The following RBBP5 variants were observed in gnomAD, a reference collection of about 807,000 sequenced individuals.
RBBP5 encodes retinoblastoma-binding protein 5.
Under a neutral mutation model 72.2 loss-of-function variants are expected in RBBP5, and 5 were observed. The ratio of observed to expected loss-of-function variants is 0.07; its 90% CI spans 0.04 to 0.15. The LOEUF is 0.15. Among genes scored for constraint, RBBP5 ranks in the 10% least tolerant of loss-of-function variants. The pLI, the probability that RBBP5 is intolerant of heterozygous loss-of-function variation, is 1.00. For missense variants in RBBP5, 322 were observed against 652.2 expected (o/e 0.49, Z 5.51); for synonymous variants, 209 against 237.2 (o/e 0.88, Z 1.09).
At chr1:205,100,422 T>C (rs1014265671) in intron 6 of RBBP5, 151 bp from the exon 7 acceptor site, 3 of 1,010,218 alleles carry the variant, frequency 3.0e-6, no homozygotes, top group African/African-American at 3.3e-5. Context: ...CAAACCAAAA[T>C]ACAATTTTAA....
chr1:205,089,826 C>T (rs976996669), intron 13 of RBBP5, among the ~76,000 whole-genome samples: 3 of 152,018 alleles, frequency 2.0e-5, no homozygotes, highest in Non-Finnish European at 4.4e-5. Flanking sequence ...ACAATGAATT[C>T]CTTGCATTGA....
chr1:205,109,202 G>A (rs1354942040), intron 3 of RBBP5, among the ~76,000 whole-genome samples: 1 of 151,944 alleles, frequency 6.6e-6, no homozygotes, highest in Non-Finnish European at 1.5e-5. Flanking sequence ...GTGTTAAAAT[G>A]CAAAGGTGCA....
chr1:205,094,554 T>C (rs1655537318), intron 13 of RBBP5, among the ~76,000 whole-genome samples: 1 of 152,240 alleles, frequency 6.6e-6, no homozygotes, highest in Non-Finnish European at 1.5e-5. Flanking sequence ...TACCCTTCTT[T>C]GGGTCATGAA....
chr1:205,119,332 G>A (rs1231396890), intron 1 of RBBP5, among the ~76,000 whole-genome samples: 1 of 152,112 alleles, frequency 6.6e-6, no homozygotes, highest in East Asian at 1.9e-4. Context: ...GGAAGCGCAA[G>A]TTGCTGTCAG....
intron 13 of RBBP5, 60 bp downstream of exon 13, chr1:205,094,813 A>T: frequency 6.8e-7 from 1 of 1,481,402 alleles, no homozygotes; most frequent in Non-Finnish European, 9.1e-7. Flanking sequence ...AAATGAAGTC[A>T]AGGGCTACAC....
Position 205,088,675 on chromosome 1 carries a change from T to G in RBBP5, c.*112A>C, listed in dbSNP as rs1203723757. ...AAAATTCACCCTCCCACCTCCTGGG[T>G]GGGAGGCACAGGCCTTTGTTTTAAA... On this transcript the variant is annotated 3_prime_UTR_variant, in exon 14 of 14. Coordinates refer to ENST00000264515, the MANE Select transcript of RBBP5 (RefSeq NM_005057.4). The G allele has an allele frequency of 4.6e-6, 5 of 1,095,366 alleles. No individual in the cohort carries two copies. The highest frequency in any genetic ancestry group is 6.7e-6 in the Non-Finnish European group (5 of 751,328). The allele number at this position is 1,095,366 out of a possible 1,614,324, so 67.9% of individuals were successfully genotyped here. A position where few individuals can be genotyped will look rare whatever the true frequency, so the allele number is the denominator to read the frequency against.
At chr1:205,111,914 G>A (rs1476760237) in intron 3 of RBBP5, among the ~76,000 whole-genome samples, 1 of 152,074 alleles carries the variant, frequency 6.6e-6, no homozygotes, top group Non-Finnish European at 1.5e-5. Context: ...CCTGATACCT[G>A]TAGTTCCCCA....
chr1:205,115,008 A>G (rs1216614993), intron 2 of RBBP5, 47 bp from the exon 3 acceptor site: 1 of 1,477,158 alleles, frequency 6.8e-7, no homozygotes, highest in Non-Finnish European at 9.2e-7. Context: ...ATAGCCAGGT[A>G]TCCAAATTAT....
At chr1:205,110,804 C>A (rs1199006743) in intron 3 of RBBP5, among the ~76,000 whole-genome samples, 2 of 152,142 alleles carry the variant, frequency 1.3e-5, no homozygotes, top group Non-Finnish European at 2.9e-5. Context: ...TGGCTCACTA[C>A]TGTAATCTTG....
Position 205,103,167 on chromosome 1 carries a change from G to A in RBBP5, c.522+690C>T, listed in dbSNP as rs142144723. Among the ~76,000 whole-genome samples, 386 of 143,932 alleles carry A rather than the reference G, an allele frequency of 2.7e-3. 1 individual carries two copies. Among genetic ancestry groups the A allele is most frequent in the African/African-American group, 9.3e-3 (362 of 38,908 alleles). The allele number at this position is 143,932 out of a possible 152,430, so 94.4% of individuals were successfully genotyped here. A position where few individuals can be genotyped will look rare whatever the true frequency, so the allele number is the denominator to read the frequency against. On this transcript the variant is annotated intron_variant, in intron 5 of 13. Coordinates refer to ENST00000264515, the MANE Select transcript of RBBP5 (RefSeq NM_005057.4). ...TTGAACCCAGGAGATGGAGGTTGCA[G>A]TGAGCCGAGATCATGCACTGCACTT...
chr1:205,106,068 C>G (rs1047191696), intron 3 of RBBP5, among the ~76,000 whole-genome samples: 6 of 152,112 alleles, frequency 3.9e-5, no homozygotes, highest in Non-Finnish European at 7.4e-5. Flanking sequence ...GTCGCACCAC[C>G]ATGGTGTCAG....
intron 11 of RBBP5, 31 bp downstream of exon 11, chr1:205,097,295 C>G: frequency 6.5e-7 from 1 of 1,550,384 alleles, no homozygotes; most frequent in Non-Finnish European, 8.7e-7. Context: ...GCAGCAGTAG[C>G]CAAGGTGCCC....
intron 3 of RBBP5, among the ~76,000 whole-genome samples, chr1:205,105,646 CAA>C (rs1328653748): frequency 6.6e-6 from 1 of 152,096 alleles, no homozygotes; most frequent in Non-Finnish European, 1.5e-5. Context: ...ATAAAACAGA[CAA>C]AAAAGGTTCT....
At position 205,086,297 on chromosome 1, in the gene RBBP5, C is replaced by A. The variant is rs1655141442; in HGVS notation, c.*2490G>T. On this transcript the variant is annotated 3_prime_UTR_variant, in exon 14 of 14. Transcript: ENST00000264515. Reference sequence around the variant, plus strand: ...TGTCACCCAGGCTGGAGTGCAGTGGCGCAATCTCAGCTCACTGCAACCTCT... The same window carrying A: ...TGTCACCCAGGCTGGAGTGCAGTGGAGCAATCTCAGCTCACTGCAACCTCT... The A allele has an allele frequency of 6.9e-6, 1 of 144,054 alleles. No individual in the cohort carries two copies. Among genetic ancestry groups the A allele is most frequent in the East Asian group, 2.0e-4 (1 of 4,972 alleles). 8.9% of individuals were successfully genotyped at this position (144,054 alleles called of 1,614,324 possible).
chr1:205,098,539 A>G (rs745586517), intron 10 of RBBP5, among the ~76,000 whole-genome samples: 7 of 152,128 alleles, frequency 4.6e-5, no homozygotes, highest in Non-Finnish European at 1.0e-4. Context: ...AAGAAAAAAG[A>G]AGGCCAGGCA....
rs929569323 is a variant in RBBP5 at position 205,087,160 on chromosome 1, T to C, written c.*1627A>G. The C allele has an allele frequency of 6.6e-6, 1 of 151,988 alleles. No individual in the cohort carries two copies. Among genetic ancestry groups the C allele is most frequent in the Non-Finnish European group, 1.5e-5 (1 of 68,012 alleles). The allele number at this position is 151,988 out of a possible 1,614,324, so 9.4% of individuals were successfully genotyped here. On this transcript the variant is annotated 3_prime_UTR_variant, in exon 14 of 14. Transcript: ENST00000264515. ...CCTAAAATCTAACAGGTAATCAATG[T>C]GTTTGGCTACCTATAGGAGCATCCA...
intron 1 of RBBP5, among the ~76,000 whole-genome samples, chr1:205,118,412 C>G (rs1314414260): frequency 1.3e-5 from 2 of 151,582 alleles, no homozygotes; most frequent in Non-Finnish European, 2.9e-5. Flanking sequence ...GAGTTTGAGA[C>G]CAGCTGAGCC....
chr1:205,099,168 AATG>A lies in RBBP5; in HGVS notation c.979-65_979-63del. 1 of 959,750 alleles carries A rather than the reference AATG, an allele frequency of 1.0e-6. No individual in the cohort carries two copies. The highest frequency in any genetic ancestry group is 1.5e-6 in the Non-Finnish European group (1 of 666,448). The allele number at this position is 959,750 out of a possible 1,614,324, so 59.5% of individuals were successfully genotyped here. A position where few individuals can be genotyped will look rare whatever the true frequency, so the allele number is the denominator to read the frequency against. The stretch of plus-strand genomic sequence containing the variant: ...AGCAATAATCTGTAATCTACACATT[AATG>A]ATAAAATGAAAGATGTGAGCATGAA... On this transcript the variant is annotated intron_variant, in intron 9 of 13. Coordinates refer to ENST00000264515, the MANE Select transcript of RBBP5 (RefSeq NM_005057.4). The surrounding 1 kb of genome is among the most constrained non-coding windows in gnomAD (Gnocchi z 4.7).
chr1:205,113,155 T>C (rs551548657), intron 3 of RBBP5, among the ~76,000 whole-genome samples: 2 of 152,302 alleles, frequency 1.3e-5, no homozygotes, highest in East Asian at 1.9e-4. Flanking sequence ...ACGTACAAAG[T>C]AGTAGTATCT....
Sources: gnomAD v4.1 joint callset for allele counts (sites outside exome capture counted in the v4.1 genomes callset) on GRCh38, gnomAD v4.1.1 for gene constraint, Gnocchi (gnomAD v3.1) non-coding constraint, MANE v1.5 for transcripts, NCBI Gene and HGNC (gene_info 2026-07-23, HGNC 2026-07-21) for gene names.